Variants in GCNT2 observed in about 807,000 individuals in gnomAD.
The protein encoded by GCNT2 is N-acetyllactosaminide beta-1,6-N-acetylglucosaminyl-transferase.
GCNT2 carries 34 observed loss-of-function variants against 34.2 expected under a neutral mutation model. The observed-to-expected ratio is 1.00, with a 90% CI of 0.76 to 1.32. The LOEUF is 1.32. Ranked by LOEUF, GCNT2 falls within the 40% of genes most tolerant of loss-of-function variation. The pLI is 0.00. For missense variants in GCNT2, 584 were observed against 489.4 expected (o/e 1.19, Z -1.82); for synonymous variants, 212 against 188.0 (o/e 1.13, Z -1.04).
chr6:10,613,560 A>G (rs1167924794), intron 3 of GCNT2, among the ~76,000 whole-genome samples: 1 of 152,182 alleles, frequency 6.6e-6, no homozygotes, highest in Non-Finnish European at 1.5e-5. Flanking sequence ...GTATTTTTCC[A>G]ATACTAGTTG....
At chr6:10,596,734 T>TA (rs71548853) in intron 3 of GCNT2, among the ~76,000 whole-genome samples, 17,522 of 143,696 alleles carry the variant, frequency 0.12, 1,128 homozygotes, top group Middle Eastern at 0.17. Flanking sequence ...TTTCCTCTAT[T>TA]AAAAAAAAAA....
chr6:10,588,436 G>C (rs1338549311), intron 3 of GCNT2, among the ~76,000 whole-genome samples: 1 of 152,204 alleles, frequency 6.6e-6, no homozygotes, highest in African/African-American at 2.4e-5. Flanking sequence ...ATGAGGCTTA[G>C]AGAGACTGAA....
intron 3 of GCNT2, chr6:10,586,300 A>G (rs753226243): frequency 6.2e-6 from 10 of 1,614,100 alleles, no homozygotes; most frequent in Middle Eastern, 1.6e-4. Context: ...ATGGTCATCC[A>G]TAAGGACTTT....
intron 3 of GCNT2, among the ~76,000 whole-genome samples, chr6:10,540,557 C>A (rs1367672203): frequency 6.6e-6 from 1 of 151,918 alleles, no homozygotes; most frequent in Non-Finnish European, 1.5e-5. Flanking sequence ...CCACCCCCAA[C>A]CACCAGCACA....
At chr6:10,611,477 T>C (rs1247233712) in intron 3 of GCNT2, among the ~76,000 whole-genome samples, 1 of 151,962 alleles carries the variant, frequency 6.6e-6, no homozygotes, top group African/African-American at 2.4e-5. Flanking sequence ...ACTACAGGTG[T>C]GCGCCACCAC....
At chr6:10,613,638 C>G (rs1765645840) in intron 3 of GCNT2, among the ~76,000 whole-genome samples, 1 of 152,064 alleles carries the variant, frequency 6.6e-6, no homozygotes, top group Non-Finnish European at 1.5e-5. Flanking sequence ...TGAAACTAGA[C>G]CAGAAAACAA....
At chr6:10,572,405 T>C (rs1202865910) in intron 3 of GCNT2, among the ~76,000 whole-genome samples, 2 of 152,116 alleles carry the variant, frequency 1.3e-5, no homozygotes, top group Non-Finnish European at 1.5e-5. Context: ...GGAGAGAGTA[T>C]AGAGTTTAAG....
chr6:10,556,802 G>T, intron 3 of GCNT2: 1 of 1,614,136 alleles, frequency 6.2e-7, no homozygotes, highest in Non-Finnish European at 8.5e-7. Context: ...TGTTCATGTG[G>T]ATGAAAAAGC....
chr6:10,539,805 G>T (rs569011856), intron 3 of GCNT2, among the ~76,000 whole-genome samples: 2 of 152,350 alleles, frequency 1.3e-5, no homozygotes, highest in South Asian at 2.1e-4. Context: ...GGTATGTGAG[G>T]CCGGGCATGA....
intron 3 of GCNT2, among the ~76,000 whole-genome samples, chr6:10,604,982 A>T (rs1054104596): frequency 1.3e-5 from 2 of 152,008 alleles, no homozygotes; most frequent in Admixed American, 6.6e-5. Context: ...CTGTCTCTAT[A>T]AAAAAATTTA....
intron 3 of GCNT2, among the ~76,000 whole-genome samples, chr6:10,618,238 A>G (rs960375871): frequency 6.6e-6 from 1 of 152,222 alleles, no homozygotes; most frequent in Non-Finnish European, 1.5e-5. Flanking sequence ...TAAAAATGTA[A>G]TGTTTTAATG....
At chr6:10,534,874 A>G (rs1240316903) in intron 3 of GCNT2, among the ~76,000 whole-genome samples, 2 of 152,064 alleles carry the variant, frequency 1.3e-5, no homozygotes, top group Non-Finnish European at 2.9e-5. Context: ...AAATGGATAA[A>G]TAAATAAGCA....
In GCNT2 at chr6:10,626,410, T is replaced by G; in HGVS notation, c.1019-7T>G. 3 of 1,606,362 alleles carry G rather than the reference T, an allele frequency of 1.9e-6. No homozygotes were observed. The highest frequency in any genetic ancestry group is 2.6e-6 in the Non-Finnish European group (3 of 1,172,884). ...TTTGACTCTGTTTCTTGTTCTTTCT[T>G]TTGCAGGCCACTATGTACATGGTAT... On this transcript the variant is annotated splice_polypyrimidine_tract_variant and splice_region_variant and intron_variant, in intron 4 of 4. Coordinates refer to ENST00000495262, the MANE Select transcript of GCNT2 (RefSeq NM_145649.5).
At chr6:10,600,730 G>A (rs751487908) in intron 3 of GCNT2, among the ~76,000 whole-genome samples, 90 of 152,038 alleles carry the variant, frequency 5.9e-4, no homozygotes, top group Non-Finnish European at 7.1e-4. Flanking sequence ...TGCTCGTGAG[G>A]GTCTCTCTTA....
At chr6:10,600,547 A>G (rs1561830115) in intron 3 of GCNT2, among the ~76,000 whole-genome samples, 1 of 151,972 alleles carries the variant, frequency 6.6e-6, no homozygotes, top group Admixed American at 6.6e-5. Context: ...CTGGGAGCCA[A>G]CCCCTACCCC....
chr6:10,617,387 C>T (rs1028858679), intron 3 of GCNT2, among the ~76,000 whole-genome samples: 20 of 152,312 alleles, frequency 1.3e-4, no homozygotes, highest in Non-Finnish European at 2.4e-4. Context: ...TGGTTCCCGC[C>T]GGCGCCTCTC....
At chr6:10,524,302 G>C (rs1260499303) in intron 1 of GCNT2, among the ~76,000 whole-genome samples, 2 of 149,814 alleles carry the variant, frequency 1.3e-5, no homozygotes, top group Admixed American at 1.3e-4. Flanking sequence ...CTGGGCTGGA[G>C]TGCGATGGCA....
chr6:10,551,269 A>G (rs1036336437), intron 3 of GCNT2, among the ~76,000 whole-genome samples: 1 of 152,040 alleles, frequency 6.6e-6, no homozygotes, highest in Non-Finnish European at 1.5e-5. Context: ...AAGTGTTTCC[A>G]TCATAACTTT....
chr6:10,579,841 A>AAAAAAAAAAAAAAC (rs1763991891), intron 3 of GCNT2, among the ~76,000 whole-genome samples: 1 of 148,772 alleles, frequency 6.7e-6, no homozygotes. Context: ...AAAAAAAAAA[A>AAAAAAAAAAAAAAC]AAAAAAACAA....
Sources: gnomAD v4.1 joint callset for allele counts (sites outside exome capture counted in the v4.1 genomes callset) on GRCh38, gnomAD v4.1.1 for gene constraint, MANE v1.5 for transcripts, NCBI Gene and HGNC (gene_info 2026-07-23, HGNC 2026-07-21) for gene names.